ZNF44: variants seen among roughly 807,000 people sequenced by gnomAD.
The protein encoded by ZNF44 is zinc finger protein 44.
Under a neutral mutation model 11.7 loss-of-function variants are expected in ZNF44, and 9 were observed. The ratio of observed to expected loss-of-function variants is 0.77; its 90% CI spans 0.46 to 1.35. The LOEUF is 1.35. Among genes scored for constraint, ZNF44 ranks in the 40% most tolerant of loss-of-function variants. ZNF44 has a pLI of 0.00. For synonymous variants in ZNF44, 224 were observed against 242.7 expected, an observed-to-expected ratio of 0.92 and a Z score of 0.72; for missense variants, 696 against 743.1, an observed-to-expected ratio of 0.94 and a Z score of 0.74.
chr19:12,252,402 G>C (rs1182400846), intron 5 of ZNF44, among the ~76,000 whole-genome samples: 2 of 152,200 alleles, frequency 1.3e-5, no homozygotes, highest in African/African-American at 2.4e-5. Flanking sequence ...CAGTACACCT[G>C]CTTTGCAAGA....
chr19:12,263,610 C>CA (rs1420638162), intron 5 of ZNF44, among the ~76,000 whole-genome samples: 3 of 151,404 alleles, frequency 2.0e-5, no homozygotes, highest in Non-Finnish European at 2.9e-5. Flanking sequence ...CCTGTCTCTA[C>CA]AAAAAACAAA....
At chr19:12,254,151 C>T (rs1917143352) in intron 5 of ZNF44, among the ~76,000 whole-genome samples, 1 of 149,986 alleles carries the variant, frequency 6.7e-6, no homozygotes, top group African/African-American at 2.5e-5. Context: ...TAAAACAAAC[C>T]TAATCCAGAA....
intron 1 of ZNF44, among the ~76,000 whole-genome samples, chr19:12,236,012 G>A (rs1431120430): frequency 6.6e-6 from 1 of 152,170 alleles, no homozygotes; most frequent in African/African-American, 2.4e-5. Context: ...CATGTGAAAT[G>A]TTCACAAACA....
intron 1 of ZNF44, among the ~76,000 whole-genome samples, chr19:12,289,874 G>A (rs1416196133): frequency 1.3e-5 from 2 of 151,816 alleles, no homozygotes; most frequent in African/African-American, 2.4e-5. Context: ...CTTGCAATCC[G>A]CCTGCCTCGA....
chr19:12,240,855 GA>G (rs1285703741), upstream of ZNF44, among the ~76,000 whole-genome samples: 4 of 152,172 alleles, frequency 2.6e-5, no homozygotes, highest in Non-Finnish European at 4.4e-5. Flanking sequence ...AGATATAGGA[GA>G]AATTTTCATG....
intron 5 of ZNF44, among the ~76,000 whole-genome samples, chr19:12,262,565 G>A (rs964568309): frequency 3.3e-5 from 5 of 152,068 alleles, no homozygotes; most frequent in East Asian, 1.9e-4. Flanking sequence ...CACTGCACCC[G>A]GCCCAAAATT....
At chr19:12,294,560 G>C in intron 1 of ZNF44, 132 bp downstream of exon 1, 3 of 1,269,560 alleles carry the variant, frequency 2.4e-6, no homozygotes, top group Non-Finnish European at 3.2e-6. Context: ...CGAGGACCGA[G>C]GTGCGCAGGG....
intron 1 of ZNF44, among the ~76,000 whole-genome samples, chr19:12,236,903 A>G (rs1916410718): frequency 6.6e-6 from 1 of 152,184 alleles, no homozygotes; most frequent in Non-Finnish European, 1.5e-5. Context: ...CCTTTGGTTG[A>G]CAGACCAAAT....
chr19:12,249,910 TA>T, intron 7 of ZNF44: 1 of 1,067,874 alleles, frequency 9.4e-7, no homozygotes, highest in Non-Finnish European at 1.2e-6. Flanking sequence ...TTTCTTTAAT[TA>T]TCAAATTTAA....
intron 1 of ZNF44, among the ~76,000 whole-genome samples, chr19:12,276,918 A>T (rs890377301): frequency 6.6e-6 from 1 of 152,178 alleles, no homozygotes; most frequent in Non-Finnish European, 1.5e-5. Context: ...TGTACCACCC[A>T]GGGACTCTAC....
upstream of ZNF44, among the ~76,000 whole-genome samples, chr19:12,240,661 T>C (rs868785725): frequency 2.6e-5 from 4 of 152,264 alleles, no homozygotes; most frequent in Middle Eastern, 0.01. Context: ...TGTGGTCAAA[T>C]GATTTTTTGA....
intron 5 of ZNF44, among the ~76,000 whole-genome samples, chr19:12,254,997 G>A (rs376182392): frequency 2.0e-5 from 3 of 151,952 alleles, no homozygotes; most frequent in East Asian, 3.9e-4. Flanking sequence ...GCTGAGGCAC[G>A]GGAATCACTT....
downstream of ZNF44, among the ~76,000 whole-genome samples, chr19:12,225,637 G>A (rs960910217): frequency 9.2e-5 from 14 of 152,176 alleles, no homozygotes; most frequent in Non-Finnish European, 2.9e-5. Context: ...TTTACCCTGA[G>A]GGTGCTACAG....
chr19:12,277,488 T>C (rs944521449), intron 1 of ZNF44, among the ~76,000 whole-genome samples: 2 of 152,136 alleles, frequency 1.3e-5, no homozygotes, highest in African/African-American at 4.8e-5. Flanking sequence ...AACCAATTTT[T>C]ATAGAAGTCA....
rs55971577 is a variant in ZNF44 at position 12,288,774 on chromosome 19, GTATATATATATATATATA to G, written c.3+5900_3+5917del. 2.1e-3 allele frequency among the ~76,000 whole-genome samples: 165 copies of G among 76,818 alleles called. 3 individuals carry two copies. Among genetic ancestry groups the G allele is most frequent in the Non-Finnish European group, 2.7e-3 (123 of 46,368 alleles). The allele number at this position is 76,818 out of a possible 152,430, so 50.4% of individuals were successfully genotyped here. On this transcript the variant is annotated intron_variant, in intron 1 of 3. Transcript: ENST00000355684. ...CTCCGTCTCAAAAAAAAAAAAAAATGTATATATATATATATATATATATATATATATGAAATCACCTGA... is the reference window on the plus strand; with the variant it reads ...CTCCGTCTCAAAAAAAAAAAAAAATGTATATATATATATGAAATCACCTGA...
At chr19:12,293,453 G>C (rs1462539227) in intron 1 of ZNF44, 1 of 1,352,452 alleles carries the variant, frequency 7.4e-7, no homozygotes, top group Non-Finnish European at 9.7e-7. Flanking sequence ...GCCTAGGGGA[G>C]ATAAAAGAGG....
rs779310631 is a variant in ZNF44 at position 12,273,230 on chromosome 19, C to T, written c.1025G>A (p.Cys342Tyr). The change falls in exon 4 of 4, where the codon TGT (cysteine) becomes TAT (tyrosine). Residue 342 changes from cysteine to tyrosine, a missense_variant. Cys to Tyr is a radical substitution (Grantham distance 194, BLOSUM62 -2). Coordinates refer to ENST00000355684, the MANE Select transcript of ZNF44 (RefSeq NM_016264.4). ...ACCAGGAAAATCAAAGCCTTTCCCA[C>T]ATATCTTACATTTATGAGGTCCATC... ...SGDGPHKCKI[C>Y]GKGFDFPGSA... The T allele has an allele frequency of 1.2e-6, 2 of 1,614,092 alleles. No individual in the cohort carries two copies. The highest frequency in any genetic ancestry group is 8.5e-7 in the Non-Finnish European group (1 of 1,179,996).
downstream of ZNF44, among the ~76,000 whole-genome samples, chr19:12,246,157 C>G (rs542131327): frequency 2.0e-5 from 3 of 152,288 alleles, no homozygotes; most frequent in South Asian, 6.2e-4. Flanking sequence ...TGAATTCCAG[C>G]ATGGAATCCA....
upstream of ZNF44, among the ~76,000 whole-genome samples, chr19:12,240,444 CAAAA>C (rs56300338): frequency 6.8e-5 from 7 of 102,366 alleles, no homozygotes; most frequent in African/African-American, 1.8e-4. Context: ...GATTCTATCT[CAAAA>C]AAAAAAAAAA....
Sources: gnomAD v4.1 joint callset for allele counts (sites outside exome capture counted in the v4.1 genomes callset) on GRCh38, gnomAD v4.1.1 for gene constraint, MANE v1.5 for transcripts, NCBI Gene and HGNC (gene_info 2026-07-23, HGNC 2026-07-21) for gene names.